The following MACROD2 variants were observed in gnomAD, a reference collection of about 807,000 sequenced individuals.
MACROD2 encodes the protein ADP-ribose glycohydrolase MACROD2.
A neutral mutation model predicts 70.4 loss-of-function variants in MACROD2; 36 were observed. The ratio of observed to expected loss-of-function variants is 0.51; its 90% CI spans 0.39 to 0.68. MACROD2 has a LOEUF of 0.68. Ranked by LOEUF, MACROD2 falls within the 30% of genes least tolerant of loss-of-function variation. The pLI, the probability that MACROD2 is intolerant of heterozygous loss-of-function variation, is 0.00. For missense variants in MACROD2, 496 were observed against 538.4 expected (o/e 0.92, Z 0.78); for synonymous variants, 172 against 178.8 (o/e 0.96, Z 0.30).
At chr20:15,386,599 A>G (rs2045716237) in intron 6 of MACROD2, among the ~76,000 whole-genome samples, 1 of 152,222 alleles carries the variant, frequency 6.6e-6, no homozygotes, top group South Asian at 2.1e-4. Context: ...TGAAAATGCC[A>G]CTGAAACTGT....
intron 5 of MACROD2, among the ~76,000 whole-genome samples, chr20:14,870,482 G>A (rs2073475343): frequency 6.6e-6 from 1 of 152,080 alleles, no homozygotes; most frequent in Non-Finnish European, 1.5e-5. Flanking sequence ...CTGAGTCAAA[G>A]GGAATTTCTG....
chr20:14,898,321 T>C (rs2073854696), intron 5 of MACROD2, among the ~76,000 whole-genome samples: 1 of 152,160 alleles, frequency 6.6e-6, no homozygotes, highest in South Asian at 2.1e-4. Flanking sequence ...TAGGATATTT[T>C]AAATATTAGT....
intron 8 of MACROD2, among the ~76,000 whole-genome samples, chr20:15,743,841 A>G (rs1176277429): frequency 3.3e-5 from 5 of 152,108 alleles, no homozygotes; most frequent in Non-Finnish European, 7.4e-5. Flanking sequence ...TTCTTTCTAG[A>G]TTTTTAATTC....
chr20:15,379,163 G>A (rs2045606947), intron 6 of MACROD2, among the ~76,000 whole-genome samples: 1 of 152,118 alleles, frequency 6.6e-6, no homozygotes, highest in Non-Finnish European at 1.5e-5. Context: ...GACTATATAT[G>A]AATGTGTTAC....
chr20:14,558,085 G>A (rs566962903), intron 4 of MACROD2, among the ~76,000 whole-genome samples: 33 of 151,492 alleles, frequency 2.2e-4, no homozygotes, highest in South Asian at 6.2e-4. Flanking sequence ...GAAAACTTAC[G>A]CTGAATGAAA....
At chr20:15,168,711 A>T (rs539373027) in intron 5 of MACROD2, among the ~76,000 whole-genome samples, 2 of 152,184 alleles carry the variant, frequency 1.3e-5, no homozygotes, top group African/African-American at 4.8e-5. Flanking sequence ...GCCAGGTGTG[A>T]TAGTGAGTTC....
chr20:14,060,982 C>A (rs1358488409), intron 2 of MACROD2, among the ~76,000 whole-genome samples: 1 of 151,966 alleles, frequency 6.6e-6, no homozygotes, highest in Non-Finnish European at 1.5e-5. Flanking sequence ...ATTTGTAATC[C>A]TTATACACTA....
intron 5 of MACROD2, among the ~76,000 whole-genome samples, chr20:14,810,636 G>C (rs1459900568): frequency 6.6e-6 from 1 of 152,122 alleles, no homozygotes; most frequent in East Asian, 1.9e-4. Flanking sequence ...AATAGGAAGA[G>C]AGGAAGTCAA....
chr20:14,760,237 A>T (rs556337535), intron 5 of MACROD2, among the ~76,000 whole-genome samples: 24 of 152,066 alleles, frequency 1.6e-4, no homozygotes, highest in African/African-American at 5.5e-4. Context: ...GCAGGGAGGG[A>T]TCCCGCGTAG....
chr20:15,671,335 G>A (rs932614606), intron 8 of MACROD2, among the ~76,000 whole-genome samples: 2 of 152,140 alleles, frequency 1.3e-5, no homozygotes, highest in South Asian at 4.1e-4. Flanking sequence ...GACATGGCCA[G>A]ATTTAAGAGA....
chr20:15,841,123 A>G (rs905296983), intron 8 of MACROD2, among the ~76,000 whole-genome samples: 2 of 152,164 alleles, frequency 1.3e-5, no homozygotes, highest in Admixed American at 6.5e-5. Flanking sequence ...TCTGTGTTTC[A>G]CATGCTGGCC....
At chr20:14,245,839 C>A (rs996676881) in intron 3 of MACROD2, among the ~76,000 whole-genome samples, 1 of 152,138 alleles carries the variant, frequency 6.6e-6, no homozygotes, top group Non-Finnish European at 1.5e-5. Flanking sequence ...AGACACCATT[C>A]CTCTCATTCC....
chr20:15,777,215 A>G (rs1313237927), intron 8 of MACROD2, among the ~76,000 whole-genome samples: 3 of 152,158 alleles, frequency 2.0e-5, no homozygotes, highest in Non-Finnish European at 4.4e-5. Flanking sequence ...ATACATGTAT[A>G]TCTGAATATG....
chr20:14,922,020 G>T (rs1324527363), intron 5 of MACROD2, among the ~76,000 whole-genome samples: 1 of 152,262 alleles, frequency 6.6e-6, no homozygotes, highest in East Asian at 1.9e-4. Context: ...CTGATTGCAG[G>T]ATAGCCTTGT....
At chr20:14,816,184 C>T (rs187535077) in intron 5 of MACROD2, among the ~76,000 whole-genome samples, 117 of 151,752 alleles carry the variant, frequency 7.7e-4, no homozygotes, top group African/African-American at 2.7e-3. Flanking sequence ...AGGTTTGTTG[C>T]GGGGCAGAGG....
chr20:14,438,829 G>C (rs756118198), intron 3 of MACROD2, among the ~76,000 whole-genome samples: 1 of 152,024 alleles, frequency 6.6e-6, no homozygotes, highest in African/African-American at 2.4e-5. Flanking sequence ...TCTGTTGCAG[G>C]GTTTACAGTT....
At chr20:15,766,024 C>G (rs1002422374) in intron 8 of MACROD2, among the ~76,000 whole-genome samples, 1 of 152,128 alleles carries the variant, frequency 6.6e-6, no homozygotes, top group Non-Finnish European at 1.5e-5. Flanking sequence ...ACTCTTACTC[C>G]TCCATCTGAA....
At chr20:15,798,700 A>G (rs1417992071) in intron 8 of MACROD2, among the ~76,000 whole-genome samples, 1 of 152,174 alleles carries the variant, frequency 6.6e-6, no homozygotes, top group Non-Finnish European at 1.5e-5. Context: ...GACACATACC[A>G]ATGTCTGTTG....
intron 6 of MACROD2, among the ~76,000 whole-genome samples, chr20:15,330,330 A>T (rs2077978708): frequency 6.7e-6 from 1 of 148,276 alleles, no homozygotes. Flanking sequence ...TAAATTTGGC[A>T]AGCACTGCTT....
Sources: gnomAD v4.1 joint callset for allele counts (sites outside exome capture counted in the v4.1 genomes callset) on GRCh38, gnomAD v4.1.1 for gene constraint, MANE v1.5 for transcripts, NCBI Gene and HGNC (gene_info 2026-07-23, HGNC 2026-07-21) for gene names.